FYTTD1: variants seen among roughly 807,000 people sequenced by gnomAD.
The protein encoded by FYTTD1 is forty-two-three domain containing 1.
A neutral mutation model predicts 40.9 loss-of-function variants in FYTTD1; 22 were observed. That is an observed-to-expected ratio of 0.54 (90% CI 0.38 to 0.77). The LOEUF is 0.77. Among genes scored for constraint, FYTTD1 ranks in the 30% least tolerant of loss-of-function variants. FYTTD1 has a pLI of 0.00. For synonymous variants in FYTTD1, 140 were observed against 137.9 expected (o/e 1.01, Z -0.10); for missense variants, 351 against 392.2 (o/e 0.90, Z 0.89).
intron 3 of FYTTD1, among the ~76,000 whole-genome samples, chr3:197,769,482 G>A (rs1226947450): frequency 2.6e-5 from 4 of 152,314 alleles, no homozygotes; most frequent in East Asian, 1.9e-4. Context: ...AAGATAAGGT[G>A]CATATTTGTC....
At chr3:197,750,426 T>G (rs1728980299) in intron 1 of FYTTD1, 2 of 1,025,498 alleles carry the variant, frequency 2.0e-6, no homozygotes, top group South Asian at 4.6e-5. Flanking sequence ...TGAGGAAAGA[T>G]CTGCCGGTTT....
At chr3:197,770,664 C>G (rs1010407515) in intron 4 of FYTTD1, among the ~76,000 whole-genome samples, 1 of 152,170 alleles carries the variant, frequency 6.6e-6, no homozygotes, top group African/African-American at 2.4e-5. Context: ...CCTCCCACAT[C>G]AGCCTCCTGA....
At position 197,774,688 on chromosome 3, in the gene FYTTD1, A is replaced by G. The variant is rs1197026686; in HGVS notation, c.656+478A>G. Among the ~76,000 whole-genome samples the G allele has an allele frequency of 2.0e-5, 3 of 150,854 alleles. No homozygotes were observed. The East Asian group carries it at 5.9e-4, about 30-fold the overall frequency. On this transcript the variant is annotated intron_variant, in intron 6 of 8. Transcript: ENST00000241502. ...ATCGCCAGTGCATACCATCCTGAGC[A>G]GCATAGCTCGATCGCCAGTGCACAC...
intron 2 of FYTTD1, among the ~76,000 whole-genome samples, chr3:197,763,246 T>A (rs938530194): frequency 4.6e-5 from 7 of 151,712 alleles, no homozygotes; most frequent in Admixed American, 6.6e-5. Context: ...AAACCCTATC[T>A]CTACTAAAAA....
At chr3:197,779,212 C>G (rs1333244538) in intron 8 of FYTTD1, among the ~76,000 whole-genome samples, 1 of 152,018 alleles carries the variant, frequency 6.6e-6, no homozygotes, top group African/African-American at 2.4e-5. Flanking sequence ...GTCAGGAGTT[C>G]GAGACCAGCC....
At chr3:197,781,083 A>C (rs1356163391) in intron 8 of FYTTD1, among the ~76,000 whole-genome samples, 2 of 151,648 alleles carry the variant, frequency 1.3e-5, no homozygotes, top group African/African-American at 4.8e-5. Flanking sequence ...GGAGGCCGAC[A>C]CAGGTGGATC....
upstream of FYTTD1, chr3:197,749,756 T>A: frequency 1.7e-6 from 1 of 578,350 alleles, no homozygotes; most frequent in African/African-American, 1.9e-5. Flanking sequence ...CGTCCGATCC[T>A]GCGAGGGCCG....
chr3:197,766,516 C>G (rs1392876276), intron 2 of FYTTD1, among the ~76,000 whole-genome samples: 1 of 150,732 alleles, frequency 6.6e-6, no homozygotes, highest in Non-Finnish European at 1.5e-5. Flanking sequence ...GATCTTGGCT[C>G]ACTGTAACCT....
chr3:197,750,222 C>A, intron 1 of FYTTD1, 148 bp downstream of exon 1: 1 of 825,246 alleles, frequency 1.2e-6, no homozygotes. Context: ...GCCCGGAGGA[C>A]AGCCGGGAGC....
At chr3:197,755,847 A>G (rs1729198662) in intron 1 of FYTTD1, 1 of 1,550,812 alleles carries the variant, frequency 6.4e-7, no homozygotes, top group Admixed American at 2.0e-5. Flanking sequence ...AAGTAGGAAA[A>G]TGGAGGCTTC....
At chr3:197,774,707 T>G (rs1729823307) in intron 6 of FYTTD1, among the ~76,000 whole-genome samples, 1 of 150,800 alleles carries the variant, frequency 6.6e-6, no homozygotes, top group Admixed American at 6.6e-5. Flanking sequence ...CGATCGCCAG[T>G]GCACACCAGC....
At chr3:197,753,343 G>A (rs950436791) in intron 1 of FYTTD1, among the ~76,000 whole-genome samples, 4 of 152,080 alleles carry the variant, frequency 2.6e-5, no homozygotes, top group Non-Finnish European at 4.4e-5. Context: ...TCGGTGTTAT[G>A]GTGATACTTA....
At chr3:197,749,607 G>A (rs1728919444), upstream of FYTTD1, 2 of 1,108,234 alleles carry the variant, frequency 1.8e-6, no homozygotes, top group African/African-American at 3.2e-5. Flanking sequence ...GGAGGGACTC[G>A]AAGGACACGG....
In FYTTD1 at chr3:197,755,611, A is replaced by ATTTATTT. The variant is rs1560492096; in HGVS notation, c.104-815_104-814insTTTATTT. 230 of 201,174 alleles carry ATTTATTT rather than the reference A, an allele frequency of 1.1e-3. 1 individual carries two copies. The highest frequency in any genetic ancestry group is 1.8e-3 in the Middle Eastern group (1 of 542). The allele number at this position is 201,174 out of a possible 1,614,324, so 12.5% of individuals were successfully genotyped here. A position where few individuals can be genotyped will look rare whatever the true frequency, so the allele number is the denominator to read the frequency against. ...CAGGCATGCACCGCCATACCCGGCTAATTTATTTATTTATTTATTTATTTA... is the reference window on the plus strand; with the variant it reads ...CAGGCATGCACCGCCATACCCGGCTATTTATTTATTTATTTATTTATTTATTTATTTA... On this transcript the variant is annotated intron_variant, in intron 1 of 8. Coordinates refer to ENST00000241502, the MANE Select transcript of FYTTD1 (RefSeq NM_032288.7).
chr3:197,749,914 T>A lies in FYTTD1; in HGVS notation c.-58T>A. 1 of 1,125,494 alleles carries A rather than the reference T, an allele frequency of 8.9e-7. No individual in the cohort carries two copies. The highest frequency in any genetic ancestry group is 2.7e-5 in the Admixed American group (1 of 37,418). 69.7% of individuals were successfully genotyped at this position (1,125,494 alleles called of 1,614,324 possible). On this transcript the variant is annotated 5_prime_UTR_variant, in exon 1 of 9. Transcript: ENST00000241502. ...GCGGGCTGCGTGCGCGAGTGGGAGG[T>A]GGCAGGCCTGCGACTCCGGCCTTGT...
In FYTTD1 at chr3:197,749,917, C is replaced by T. The variant is rs1302745454; in HGVS notation, c.-55C>T. 4.3e-6 allele frequency: 5 copies of T among 1,165,698 alleles called. No individual in the cohort carries two copies. The highest frequency in any genetic ancestry group is 6.3e-5 in the East Asian group (2 of 31,694). 72.2% of individuals were successfully genotyped at this position (1,165,698 alleles called of 1,614,324 possible). A position where few individuals can be genotyped will look rare whatever the true frequency, so the allele number is the denominator to read the frequency against. Reference sequence around the variant, plus strand: ...GGCTGCGTGCGCGAGTGGGAGGTGGCAGGCCTGCGACTCCGGCCTTGTCCG... The same window carrying T: ...GGCTGCGTGCGCGAGTGGGAGGTGGTAGGCCTGCGACTCCGGCCTTGTCCG... On this transcript the variant is annotated 5_prime_UTR_variant, in exon 1 of 9. Coordinates refer to ENST00000241502, the MANE Select transcript of FYTTD1 (RefSeq NM_032288.7).
rs1049852661 is a variant in FYTTD1, at chr3:197,785,007, G to A, written c.*3098G>A. On this transcript the variant is annotated 3_prime_UTR_variant, in exon 9 of 9. Transcript: ENST00000241502. ...CTGCTTTGGTGAATTAACACCCACA[G>A]AAAATAGTGGAATGGTGTGTGGTTT... 5 of 152,160 alleles carry A rather than the reference G, an allele frequency of 3.3e-5. No individual in the cohort carries two copies. The highest frequency in any genetic ancestry group is 6.5e-5 in the Admixed American group (1 of 15,278). The allele number at this position is 152,160 out of a possible 1,614,324, so 9.4% of individuals were successfully genotyped here.
intron 2 of FYTTD1, among the ~76,000 whole-genome samples, 157 bp from the exon 3 acceptor site, chr3:197,768,282 C>G (rs1259311455): frequency 6.6e-6 from 1 of 152,100 alleles, no homozygotes; most frequent in African/African-American, 2.4e-5. Flanking sequence ...CAGCAGATTG[C>G]CTTTTTAAAA....
At chr3:197,758,809 G>T (rs1729282460) in intron 2 of FYTTD1, among the ~76,000 whole-genome samples, 1 of 152,220 alleles carries the variant, frequency 6.6e-6, no homozygotes, top group African/African-American at 2.4e-5. Context: ...AGATTTCCAC[G>T]TTGTAATGTC....
Sources: allele counts gnomAD v4.1 joint callset (sites outside exome capture counted in the v4.1 genomes callset), GRCh38; gene constraint gnomAD v4.1.1; transcripts MANE v1.5; gene names NCBI Gene and HGNC (gene_info 2026-07-23, HGNC 2026-07-21).